The following SMAP2 variants were observed in gnomAD, a reference collection of about 807,000 sequenced individuals.
SMAP2 encodes the protein small ArfGAP2.
Under a neutral mutation model 56.4 loss-of-function variants are expected in SMAP2, and 25 were observed. The observed-to-expected ratio is 0.44, with a 90% CI of 0.32 to 0.62. The LOEUF (loss-of-function observed/expected upper bound fraction) is 0.62, where lower values mean the gene tolerates loss of function less well. Ranked by LOEUF, SMAP2 falls within the 20% of genes least tolerant of loss-of-function variation. The pLI is 0.04. For missense variants in SMAP2, 388 were observed against 545.6 expected (o/e 0.71, Z 2.88); for synonymous variants, 157 against 181.7 (o/e 0.86, Z 1.09).
chr1:40,375,836 C>CT (rs1557828169), intron 1 of SMAP2: 4 of 570,532 alleles, frequency 7.0e-6, no homozygotes, highest in Non-Finnish European at 8.9e-6. Flanking sequence ...ACCCCCCCCC[C>CT]CATTTCTCAT....
At chr1:40,399,408 C>T (rs1184957325) in intron 1 of SMAP2, among the ~76,000 whole-genome samples, 4 of 146,798 alleles carry the variant, frequency 2.7e-5, no homozygotes, top group Non-Finnish European at 4.5e-5. Context: ...CATCTGTCCA[C>T]CTCTGCCTCC....
intron 2 of SMAP2, among the ~76,000 whole-genome samples, chr1:40,367,714 G>A (rs1644483609): frequency 6.9e-6 from 1 of 144,950 alleles, no homozygotes; most frequent in Non-Finnish European, 1.5e-5. Context: ...GTGTGTAGAG[G>A]GAAATTTTTA....
intron 2 of SMAP2, among the ~76,000 whole-genome samples, chr1:40,363,235 A>G (rs1187565129): frequency 6.6e-6 from 1 of 152,206 alleles, no homozygotes; most frequent in Admixed American, 6.5e-5. Context: ...CTGGGGGAGT[A>G]TATATAAAGA....
upstream of SMAP2, among the ~76,000 whole-genome samples, chr1:40,371,627 A>G (rs1390989314): frequency 1.3e-5 from 2 of 152,218 alleles, no homozygotes; most frequent in Non-Finnish European, 2.9e-5. Context: ...CAAAGCAACA[A>G]ATAAATGCTT....
rs184312362 is a variant in SMAP2, at chr1:40,408,917, G to A, written c.323+179G>A. The stretch of plus-strand genomic sequence containing the variant: ...AAAGCACATGTATTTGTGAATGTCG[G>A]AATTGTCATACGGTGTCACTTGAAG... On this transcript the variant is annotated intron_variant, in intron 3 of 9. Coordinates refer to ENST00000372718, the MANE Select transcript of SMAP2 (RefSeq NM_022733.3). The surrounding 1 kb of genome is among the most constrained non-coding windows in gnomAD (Gnocchi z 4.3). 2.0e-5 allele frequency among the ~76,000 whole-genome samples: 3 copies of A among 152,248 alleles called. No homozygotes were observed. The East Asian group carries it at 5.8e-4, about 29-fold the overall frequency.
chr1:40,405,487 A>G (rs1644876923), intron 1 of SMAP2, among the ~76,000 whole-genome samples: 1 of 152,196 alleles, frequency 6.6e-6, no homozygotes, highest in Non-Finnish European at 1.5e-5. Flanking sequence ...GACTGCCTCT[A>G]AAAATAAAAA....
intron 1 of SMAP2, among the ~76,000 whole-genome samples, chr1:40,347,145 G>A (rs1644389655): frequency 6.6e-6 from 1 of 151,692 alleles, no homozygotes; most frequent in Non-Finnish European, 1.5e-5. Flanking sequence ...CTAGGTTCAA[G>A]CGATTCTTCA....
intron 1 of SMAP2, among the ~76,000 whole-genome samples, chr1:40,356,917 G>T (rs996726931): frequency 6.6e-6 from 1 of 152,142 alleles, no homozygotes; most frequent in Non-Finnish European, 1.5e-5. Context: ...TATGATCAGT[G>T]ATGTTGAGCA....
At chr1:40,383,935 T>C (rs1267229441) in intron 1 of SMAP2, among the ~76,000 whole-genome samples, 2 of 152,286 alleles carry the variant, frequency 1.3e-5, no homozygotes, top group Non-Finnish European at 2.9e-5. Context: ...CTTGCTCTGT[T>C]GCCCAGGCTG....
At chr1:40,399,371 G>A (rs1644807110) in intron 1 of SMAP2, among the ~76,000 whole-genome samples, 1 of 141,454 alleles carries the variant, frequency 7.1e-6, no homozygotes, top group East Asian at 2.0e-4. Flanking sequence ...TGTTGGCCAG[G>A]CTTGTCTCAA....
At chr1:40,421,232 A>G (rs1047864688) in intron 9 of SMAP2, among the ~76,000 whole-genome samples, 2 of 152,194 alleles carry the variant, frequency 1.3e-5, no homozygotes, top group African/African-American at 4.8e-5. Flanking sequence ...ACAAGAAAAT[A>G]ATAGTTTCTC....
intron 5 of SMAP2, 39 bp downstream of exon 5, chr1:40,413,141 G>T (rs778067424): frequency 6.8e-7 from 1 of 1,479,576 alleles, no homozygotes. Context: ...GACAGCCTCA[G>T]GTATGTGTAT....
Position 40,389,924 on chromosome 1 carries a change from C to G in SMAP2, c.103+15701C>G, listed in dbSNP as rs3766412. Among the ~76,000 whole-genome samples, 25 of 150,426 alleles carry G rather than the reference C, an allele frequency of 1.7e-4. 1 individual carries two copies. In the East Asian group the frequency reaches 4.9e-3, roughly 29 times the overall value. On this transcript the variant is annotated intron_variant, in intron 1 of 9. Coordinates refer to ENST00000372718, the MANE Select transcript of SMAP2 (RefSeq NM_022733.3). ...CCCACCTCCACCCACTCCCCTCCCC[C>G]GCCCACCCCCAGACCTGCCCTGAGT...
chr1:40,415,067 T>G (rs1214405660), intron 6 of SMAP2, among the ~76,000 whole-genome samples: 1 of 152,160 alleles, frequency 6.6e-6, no homozygotes, highest in African/African-American at 2.4e-5. Flanking sequence ...CTGTGCCTGA[T>G]AGCTGGGCTA....
chr1:40,417,794 A>T (rs1417097532), intron 9 of SMAP2, among the ~76,000 whole-genome samples: 1 of 152,196 alleles, frequency 6.6e-6, no homozygotes, highest in Non-Finnish European at 1.5e-5. Context: ...AGAAATGGGA[A>T]TGAGAATCAC....
At chr1:40,380,203 A>G (rs140825331) in intron 1 of SMAP2, among the ~76,000 whole-genome samples, 2 of 152,294 alleles carry the variant, frequency 1.3e-5, no homozygotes, top group Non-Finnish European at 2.9e-5. Context: ...CACAGTTAGA[A>G]TGACTCACCC....
intron 9 of SMAP2, among the ~76,000 whole-genome samples, chr1:40,421,312 T>C (rs1645039117): frequency 6.6e-6 from 1 of 152,150 alleles, no homozygotes; most frequent in Admixed American, 6.6e-5. Context: ...CTCCATAAAG[T>C]ATTTTTCTGT....
chr1:40,370,725 A>G (rs1201893170), upstream of SMAP2, among the ~76,000 whole-genome samples: 4 of 107,226 alleles, frequency 3.7e-5, no homozygotes, highest in Admixed American at 2.0e-4. Flanking sequence ...GGGAGGGGGG[A>G]GGGATAGCAT....
At chr1:40,372,787 C>A (rs2124195629), upstream of SMAP2, among the ~76,000 whole-genome samples, 1 of 152,284 alleles carries the variant, frequency 6.6e-6, no homozygotes, top group East Asian at 1.9e-4. Flanking sequence ...GCCAGAGTGA[C>A]CTTTTAAAAC....
Sources: allele counts gnomAD v4.1 joint callset (sites outside exome capture counted in the v4.1 genomes callset), GRCh38; gene constraint gnomAD v4.1.1; non-coding constraint Gnocchi (gnomAD v3.1); transcripts MANE v1.5; gene names NCBI Gene and HGNC (gene_info 2026-07-23, HGNC 2026-07-21).